Variants in MTA3 observed in about 807,000 individuals in gnomAD.
MTA3 encodes the protein metastasis associated 1 family member 3.
MTA3 carries 34 observed loss-of-function variants against 83.5 expected under a neutral mutation model. The observed-to-expected ratio is 0.41, with a 90% confidence interval of 0.31 to 0.54. MTA3 has a LOEUF of 0.54. MTA3 is among the 20% of genes least tolerant of loss of function. The probability of loss-of-function intolerance (pLI) is 0.33; values close to 1 mark genes in which losing one functional copy is unlikely to be tolerated. For missense variants in MTA3, 761 were observed against 726.4 expected (o/e 1.05, Z -0.55); for synonymous variants, 303 against 252.7 (o/e 1.20, Z -1.89).
At position 42,709,079 on chromosome 2, in the gene MTA3, C is replaced by G. The variant is rs1666374318; in HGVS notation, c.1508C>G (p.Ala503Gly). The G allele has an allele frequency of 1.2e-6, 2 of 1,605,102 alleles. No homozygotes were observed. Among genetic ancestry groups the G allele is most frequent in the African/African-American group, 1.3e-5 (1 of 74,820 alleles). Residue 503 changes from alanine to glycine, a missense_variant, in exon 14 of 17, where the codon GCT (alanine) becomes GGT (glycine). Coordinates refer to ENST00000405094, the MANE Select transcript of MTA3 (RefSeq NM_001330442.2). ...ARRPFVAINY[A>G]AIRAEYADRH... Reference sequence around the variant, plus strand: ...CGGCCGTTTGTTGCTATTAATTATGCTGCCATTAGGGCAGAATGTAAGATG... The same window carrying G: ...CGGCCGTTTGTTGCTATTAATTATGGTGCCATTAGGGCAGAATGTAAGATG...
intron 3 of MTA3, among the ~76,000 whole-genome samples, chr2:42,604,338 C>T (rs996078835): frequency 3.9e-5 from 6 of 152,334 alleles, no homozygotes; most frequent in East Asian, 3.9e-4. Flanking sequence ...CCACTGCGCC[C>T]GGCGTCCAGT....
chr2:42,558,344 C>T (rs201738356), intron 2 of MTA3, among the ~76,000 whole-genome samples: 3 of 149,268 alleles, frequency 2.0e-5, no homozygotes, highest in African/African-American at 5.0e-5. Flanking sequence ...TGGGTTCAAG[C>T]GATTCTTCCT....
upstream of MTA3, among the ~76,000 whole-genome samples, chr2:42,567,192 T>C (rs1314073518): frequency 6.6e-6 from 1 of 152,234 alleles, no homozygotes; most frequent in African/African-American, 2.4e-5. Context: ...CTGTGTTCCC[T>C]GGTTTACAAA....
intron 9 of MTA3, among the ~76,000 whole-genome samples, chr2:42,684,824 A>G (rs1276167463): frequency 2.0e-5 from 3 of 152,250 alleles, no homozygotes; most frequent in African/African-American, 4.8e-5. Context: ...GGCACTAGGC[A>G]TGCAACAAAA....
intron 4 of MTA3, among the ~76,000 whole-genome samples, chr2:42,620,739 C>T (rs1685441385): frequency 6.6e-6 from 1 of 152,136 alleles, no homozygotes; most frequent in Non-Finnish European, 1.5e-5. Flanking sequence ...AACAGTCCTC[C>T]CATCTTGGCC....
At chr2:42,538,928 C>A (rs1199424627) in intron 2 of MTA3, among the ~76,000 whole-genome samples, 4 of 149,098 alleles carry the variant, frequency 2.7e-5, no homozygotes, top group Non-Finnish European at 4.4e-5. Context: ...GCGCCCGCCA[C>A]CGTGCCCGGC....
At chr2:42,577,373 C>T (rs374054856) in intron 2 of MTA3, among the ~76,000 whole-genome samples, 9 of 151,758 alleles carry the variant, frequency 5.9e-5, no homozygotes, top group East Asian at 3.9e-4. Flanking sequence ...CTATGCTCCC[C>T]GCCCCCTAAG....
Position 42,756,143 on chromosome 2 carries a change from G to A in MTA3, c.*2744G>A. 2.0e-6 allele frequency: 1 copy of A among 495,388 alleles called. No individual in the cohort carries two copies. Among genetic ancestry groups the A allele is most frequent in the Non-Finnish European group, 2.6e-6 (1 of 381,658 alleles). 30.7% of individuals were successfully genotyped at this position (495,388 alleles called of 1,614,324 possible). A position where few individuals can be genotyped will look rare whatever the true frequency, so the allele number is the denominator to read the frequency against. On this transcript the variant is annotated 3_prime_UTR_variant, in exon 17 of 17. Coordinates refer to ENST00000405094, the MANE Select transcript of MTA3 (RefSeq NM_001330442.2). ...CAGAGGTGGGGAACAACAACAGCAA[G>A]CCGCCCCCATCCTGAGACTGGCTGG...
chr2:42,555,744 C>T (rs959663324), intron 2 of MTA3, among the ~76,000 whole-genome samples: 12 of 147,994 alleles, frequency 8.1e-5, no homozygotes, highest in Non-Finnish European at 1.5e-4. Context: ...TTCCAGCCTG[C>T]GCAACAGAGC....
chr2:42,753,789 C>G lies in MTA3; in HGVS notation c.*390C>G. 9.1e-7 allele frequency: 1 copy of G among 1,099,508 alleles called. No individual in the cohort carries two copies. The highest frequency in any genetic ancestry group is 1.1e-6 in the Non-Finnish European group (1 of 897,788). The allele number at this position is 1,099,508 out of a possible 1,614,324, so 68.1% of individuals were successfully genotyped here. ...TGCCACCCTGCATGTGTCCGCTCAG[C>G]TCGGTCTTATGCTGTATAGTTACTA... On this transcript the variant is annotated 3_prime_UTR_variant, in exon 17 of 17. Coordinates refer to ENST00000405094, the MANE Select transcript of MTA3 (RefSeq NM_001330442.2).
At chr2:42,563,560 G>A (rs1476081492) in intron 2 of MTA3, among the ~76,000 whole-genome samples, 2 of 151,528 alleles carry the variant, frequency 1.3e-5, no homozygotes, top group East Asian at 1.9e-4. Flanking sequence ...TCCACCTCCC[G>A]GGTTCATGCC....
chr2:42,638,141 A>AG (rs887605909), intron 4 of MTA3, among the ~76,000 whole-genome samples: 1 of 152,222 alleles, frequency 6.6e-6, no homozygotes, highest in African/African-American at 2.4e-5. Flanking sequence ...TTTTTTAAAA[A>AG]GGGGGATTTT....
chr2:42,584,358 A>T (rs1014901502), intron 3 of MTA3, among the ~76,000 whole-genome samples: 12 of 152,186 alleles, frequency 7.9e-5, no homozygotes, highest in Non-Finnish European at 1.6e-4. Context: ...TTCAGTACTT[A>T]CTTCTAAAAG....
At chr2:42,567,775 A>G (rs1340404195), upstream of MTA3, among the ~76,000 whole-genome samples, 1 of 152,136 alleles carries the variant, frequency 6.6e-6, no homozygotes, top group Non-Finnish European at 1.5e-5. Flanking sequence ...TCGACATGAA[A>G]CTGATTGAAT....
At chr2:42,719,566 G>A (rs1030641800) in intron 15 of MTA3, among the ~76,000 whole-genome samples, 1 of 152,080 alleles carries the variant, frequency 6.6e-6, no homozygotes, top group Non-Finnish European at 1.5e-5. Flanking sequence ...TAGAGACAGG[G>A]TCTCGCTTTG....
In MTA3 at chr2:42,568,754, C is replaced by G; in HGVS notation, c.9C>G (p.Ala3=). ...CGGGCGGGCGGGCGGACATGGCGGCCAACATGTACCGGGTCGGAGGTAGGC... is the reference window on the plus strand; with the variant it reads ...CGGGCGGGCGGGCGGACATGGCGGCGAACATGTACCGGGTCGGAGGTAGGC... The part of the protein sequence containing the change: MA[A]NMYRVGDYVY... The change falls in exon 1 of 17, where the codon GCC becomes GCG. Residue 3 remains alanine, a synonymous_variant. Transcript: ENST00000405094. The G allele has an allele frequency of 8.2e-7, 1 of 1,219,734 alleles. No individual in the cohort carries two copies. Among genetic ancestry groups the G allele is most frequent in the Non-Finnish European group, 1.0e-6 (1 of 981,044 alleles). 75.6% of individuals were successfully genotyped at this position (1,219,734 alleles called of 1,614,324 possible).
Position 42,683,673 on chromosome 2 carries a change from T to G in MTA3, c.891+1084T>G, listed in dbSNP as rs369626855. Among the ~76,000 whole-genome samples, 10 of 152,260 alleles carry G rather than the reference T, an allele frequency of 6.6e-5. No individual in the cohort carries two copies. In the East Asian group the frequency reaches 1.7e-3, roughly 26 times the overall value. On this transcript the variant is annotated intron_variant, in intron 9 of 16. Coordinates refer to ENST00000405094, the MANE Select transcript of MTA3 (RefSeq NM_001330442.2). Reference sequence around the variant, plus strand: ...TAGATCATTAGGCATTAGATTCTCATAAGAAGTACGCTACCTAGATCCCTC... The same window carrying G: ...TAGATCATTAGGCATTAGATTCTCAGAAGAAGTACGCTACCTAGATCCCTC...
chr2:42,709,084 A>G lies in MTA3; in HGVS notation c.1513A>G (p.Ile505Val), dbSNP rs753933171. 2.5e-6 allele frequency: 4 copies of G among 1,601,536 alleles called. No homozygotes were observed. Among genetic ancestry groups the G allele is most frequent in the South Asian group, 1.1e-5 (1 of 90,002 alleles). ...GTTTGTTGCTATTAATTATGCTGCC[A>G]TTAGGGCAGAATGTAAGATGCTTTT... ...RPFVAINYAA[I>V]RAEYADRHAE... The change falls in exon 14 of 17, where the codon ATT becomes GTT. Residue 505 changes from isoleucine to valine, a missense_variant. Transcript: ENST00000405094.
At chr2:42,649,051 C>T (rs970676133) in intron 6 of MTA3, among the ~76,000 whole-genome samples, 6 of 152,248 alleles carry the variant, frequency 3.9e-5, no homozygotes, top group East Asian at 3.9e-4. Flanking sequence ...GTTAGCACAG[C>T]GCCCAGCTGT....
Sources: allele counts gnomAD v4.1 joint callset (sites outside exome capture counted in the v4.1 genomes callset), GRCh38; gene constraint gnomAD v4.1.1; transcripts MANE v1.5; gene names NCBI Gene and HGNC (gene_info 2026-07-23, HGNC 2026-07-21).